FARP1: variants seen among roughly 807,000 people sequenced by gnomAD.
FARP1 encodes FERM, ARH/RhoGEF and pleckstrin domain protein 1.
Under a neutral mutation model 128.8 loss-of-function variants are expected in FARP1, and 52 were observed. The ratio of observed to expected loss-of-function variants is 0.40; its 90% CI spans 0.32 to 0.51. The LOEUF (loss-of-function observed/expected upper bound fraction) is 0.51, where lower values mean the gene tolerates loss of function less well. Among genes scored for constraint, FARP1 ranks in the 20% least tolerant of loss-of-function variants. FARP1 has a pLI of 0.45. For missense variants in FARP1, 1,333 were observed against 1,367.9 expected, an observed-to-expected ratio of 0.97 and a Z score of 0.40; for synonymous variants, 580 against 551.8, an observed-to-expected ratio of 1.05 and a Z score of -0.72.
In FARP1 at chr13:98,380,361, A is replaced by T. The variant is rs543111473; in HGVS notation, c.496+2443A>T. 2.6e-5 allele frequency among the ~76,000 whole-genome samples: 4 copies of T among 151,576 alleles called. No individual in the cohort carries two copies. In the South Asian group the frequency reaches 8.4e-4, roughly 32 times the overall value. ...GCTACTTGGGAGGCTGAGCCAGGAG[A>T]ATCACTTGAAACTGGGAGAAACCCC... On this transcript the variant is annotated intron_variant, in intron 6 of 26. Transcript: ENST00000319562.
chr13:98,247,750 G>A (rs1172486156), intron 2 of FARP1, among the ~76,000 whole-genome samples: 1 of 151,914 alleles, frequency 6.6e-6, no homozygotes, highest in Non-Finnish European at 1.5e-5. Context: ...AGATGATGCG[G>A]ATTGGGAGCC....
chr13:98,335,080 A>G lies in FARP1; in HGVS notation c.172-8682A>G, dbSNP rs749340799. Among the ~76,000 whole-genome samples the G allele has an allele frequency of 2.6e-5, 4 of 152,220 alleles. No individual in the cohort carries two copies. The East Asian group carries it at 5.8e-4, about 22-fold the overall frequency. ...CACATTAGGTACTCCACTCTCAAAG[A>G]ACACCTCCATCAGGGAGAATAGCCA... On this transcript the variant is annotated intron_variant, in intron 2 of 26. Coordinates refer to ENST00000319562, the MANE Select transcript of FARP1 (RefSeq NM_005766.4).
At chr13:98,239,233 T>C (rs749970650) in intron 2 of FARP1, among the ~76,000 whole-genome samples, 76 of 152,336 alleles carry the variant, frequency 5.0e-4, no homozygotes, top group Non-Finnish European at 9.0e-4. Context: ...TTTACGCAGC[T>C]GTCTCCTATT....
At chr13:98,268,597 A>G (rs2139570766) in intron 2 of FARP1, among the ~76,000 whole-genome samples, 1 of 152,006 alleles carries the variant, frequency 6.6e-6, no homozygotes, top group South Asian at 2.1e-4. Flanking sequence ...CCTCCTGAGT[A>G]CCTGGGATTA....
intron 2 of FARP1, among the ~76,000 whole-genome samples, chr13:98,255,873 G>A (rs78331765): frequency 0.021 from 3,228 of 152,286 alleles, 64 homozygotes; most frequent in Non-Finnish European, 0.036. Flanking sequence ...AAAAGGAAGC[G>A]TAGTAGAAAC....
At chr13:98,395,096 A>G in intron 12 of FARP1, 131 bp from the exon 13 acceptor site, 2 of 1,059,014 alleles carry the variant, frequency 1.9e-6, no homozygotes, top group South Asian at 2.2e-5. Flanking sequence ...TAGGCCAGAG[A>G]GCTCCGGGGC....
chr13:98,445,382 T>G (rs1355070743), intron 24 of FARP1: 15 of 152,234 alleles, frequency 9.9e-5, no homozygotes, highest in African/African-American at 3.4e-4. Context: ...CAGAGTTGTT[T>G]GGAGGTAGCA....
At chr13:98,231,516 CA>C (rs1315664537) in intron 2 of FARP1, among the ~76,000 whole-genome samples, 2 of 152,176 alleles carry the variant, frequency 1.3e-5, no homozygotes, top group Non-Finnish European at 2.9e-5. Context: ...TGGCTCACTG[CA>C]ACCTCCGCCT....
chr13:98,362,981 T>G (rs563972123), intron 3 of FARP1, among the ~76,000 whole-genome samples: 1 of 152,400 alleles, frequency 6.6e-6, no homozygotes, highest in East Asian at 1.9e-4. Context: ...TCTGCCATTC[T>G]GGTCCAAAAT....
intron 14 of FARP1, 33 bp downstream of exon 14, chr13:98,409,558 CTGTG>C (rs1325318785): frequency 6.5e-7 from 1 of 1,548,130 alleles, no homozygotes; most frequent in African/African-American, 1.4e-5. Context: ...GCGTGTGTGG[CTGTG>C]TGTGCACGTG....
Position 98,176,347 on chromosome 13 carries a change from GT to G in FARP1, c.-24+32857del, listed in dbSNP as rs1319063938. On this transcript the variant is annotated intron_variant, in intron 1 of 26. Coordinates refer to ENST00000319562, the MANE Select transcript of FARP1 (RefSeq NM_005766.4). The surrounding 1 kb of genome is among the most constrained non-coding windows in gnomAD (Gnocchi z 6.2). ...TTTGGCGGGGTTAAAGATGCCGCCGGTTGGCTGGTCACAGATGTAGCAGCGC... is the reference window on the plus strand; with the variant it reads ...TTTGGCGGGGTTAAAGATGCCGCCGGTGGCTGGTCACAGATGTAGCAGCGC... The G allele has an allele frequency of 6.2e-6, 10 of 1,614,028 alleles. No homozygotes were observed. The highest frequency in any genetic ancestry group is 7.6e-6 in the Non-Finnish European group (9 of 1,179,880).
intron 3 of FARP1, among the ~76,000 whole-genome samples, chr13:98,349,276 C>T (rs1888305423): frequency 6.6e-6 from 1 of 152,130 alleles, no homozygotes; most frequent in Admixed American, 6.5e-5. Context: ...ATGATGAGCC[C>T]AGCAGGTCTC....
intron 2 of FARP1, among the ~76,000 whole-genome samples, chr13:98,242,014 A>G (rs977504831): frequency 3.3e-5 from 5 of 152,186 alleles, no homozygotes; most frequent in African/African-American, 1.2e-4. Flanking sequence ...CTAAGCCGGG[A>G]GGATCGCTTG....
chr13:98,174,434 C>G (rs1877852185), intron 1 of FARP1, among the ~76,000 whole-genome samples: 1 of 152,150 alleles, frequency 6.6e-6, no homozygotes, highest in Non-Finnish European at 1.5e-5. Flanking sequence ...CTTAGAGTTT[C>G]TGCTTCGGAG....
intron 1 of FARP1, among the ~76,000 whole-genome samples, chr13:98,207,775 T>C (rs1880360538): frequency 6.6e-6 from 1 of 151,884 alleles, no homozygotes; most frequent in African/African-American, 2.4e-5. Context: ...TCTCTGGAGA[T>C]TGCATTTATT....
At chr13:98,313,242 TACACACACACACAC>T (rs71111943) in intron 2 of FARP1, among the ~76,000 whole-genome samples, 1 of 119,958 alleles carries the variant, frequency 8.3e-6, no homozygotes, top group African/African-American at 3.2e-5. Flanking sequence ...TGGGTCATAA[TACACACACACACAC>T]ACACACACAC....
intron 2 of FARP1, among the ~76,000 whole-genome samples, chr13:98,265,723 T>C (rs1884083721): frequency 6.6e-6 from 1 of 152,220 alleles, no homozygotes; most frequent in South Asian, 2.1e-4. Context: ...CCATCCCTTG[T>C]TGCTTAACTG....
intron 13 of FARP1, chr13:98,407,258 G>A (rs1036170330): frequency 1.1e-4 from 17 of 152,662 alleles, no homozygotes; most frequent in African/African-American, 3.6e-4. Context: ...ACTCACAAAT[G>A]CATGAAATGT....
At chr13:98,143,546 G>A (rs1363538832) in intron 1 of FARP1, 54 bp downstream of exon 1, 1 of 150,226 alleles carries the variant, frequency 6.7e-6, no homozygotes, top group African/African-American at 2.4e-5. Context: ...GGCCGGCGGG[G>A]TCCGGGCCGC....
Sources: allele counts gnomAD v4.1 joint callset (sites outside exome capture counted in the v4.1 genomes callset), GRCh38; gene constraint gnomAD v4.1.1; non-coding constraint Gnocchi (gnomAD v3.1); transcripts MANE v1.5; gene names NCBI Gene and HGNC (gene_info 2026-07-23, HGNC 2026-07-21).